Variants in SRSF10 observed in about 807,000 individuals in gnomAD.
SRSF10 encodes serine and arginine rich splicing factor 10.
A neutral mutation model predicts 32.6 loss-of-function variants in SRSF10; 9 were observed. The ratio of observed to expected loss-of-function variants is 0.28; its 90% CI spans 0.17 to 0.48. SRSF10 has a LOEUF of 0.48. Among genes scored for constraint, SRSF10 ranks in the 20% least tolerant of loss-of-function variants. The probability of loss-of-function intolerance (pLI) is 0.99; values close to 1 mark genes in which losing one functional copy is unlikely to be tolerated. For synonymous variants in SRSF10, 105 were observed against 112.4 expected (o/e 0.93, Z 0.42); for missense variants, 201 against 331.8 (o/e 0.61, Z 3.06).
Position 23,965,572 on chromosome 1 carries a change from T to C in SRSF10, c.*5570A>G, listed in dbSNP as rs1641411775. 6.6e-6 allele frequency: 1 copy of C among 152,016 alleles called. No homozygotes were observed. The allele number at this position is 152,016 out of a possible 1,614,324, so 9.4% of individuals were successfully genotyped here. On this transcript the variant is annotated 3_prime_UTR_variant, in exon 6 of 6. Coordinates refer to ENST00000492112, the MANE Select transcript of SRSF10 (RefSeq NM_054016.4). ...AATACCCATTTCCCAGGAGTGTTTT[T>C]AGGATTAAATAGAAATATTTGAAAA...
rs777760187 is a variant in SRSF10, at chr1:23,965,603, T to C, written c.*5539A>G. 47 of 152,048 alleles carry C rather than the reference T, an allele frequency of 3.1e-4. No homozygotes were observed. The highest frequency in any genetic ancestry group is 5.6e-4 in the Non-Finnish European group (38 of 67,834). 9.4% of individuals were successfully genotyped at this position (152,048 alleles called of 1,614,324 possible). On this transcript the variant is annotated 3_prime_UTR_variant, in exon 6 of 6. Coordinates refer to ENST00000492112, the MANE Select transcript of SRSF10 (RefSeq NM_054016.4). Reference sequence around the variant, plus strand: ...TAAATAGAAATATTTGAAAAGCACATGGTTCGGCACAGTAAGTGCTCAATA... The same window carrying C: ...TAAATAGAAATATTTGAAAAGCACACGGTTCGGCACAGTAAGTGCTCAATA...
Position 23,975,273 on chromosome 1 carries a change from G to T in SRSF10, c.171-196C>A, listed in dbSNP as rs374730114. 2.1e-5 allele frequency: 11 copies of T among 536,540 alleles called. No homozygotes were observed. In the East Asian group the frequency reaches 2.4e-4, roughly 12 times the overall value. 33.2% of individuals were successfully genotyped at this position (536,540 alleles called of 1,614,324 possible). ...TATAAAAGCACTTGTGATTTCCTAA[G>T]GCACACATTTGAAAATGTATGAATA... On this transcript the variant is annotated intron_variant, in intron 2 of 5. Transcript: ENST00000492112.
intron 2 of SRSF10, chr1:23,977,299 G>T (rs1265559766): frequency 6.6e-6 from 1 of 152,142 alleles, no homozygotes; most frequent in Admixed American, 6.5e-5. Context: ...TCACTGAAAG[G>T]AACGGAAGTA....
At position 23,971,843 on chromosome 1, in the gene SRSF10, CACTT is replaced by C; in HGVS notation, c.437+3_437+6del. 1 of 1,600,586 alleles carries C rather than the reference CACTT, an allele frequency of 6.2e-7. No individual in the cohort carries two copies. Among genetic ancestry groups the C allele is most frequent in the Non-Finnish European group, 8.5e-7 (1 of 1,176,242 alleles). On this transcript the variant is annotated splice_donor_5th_base_variant and intron_variant, in intron 4 of 5. Coordinates refer to ENST00000492112, the MANE Select transcript of SRSF10 (RefSeq NM_054016.4). ...AAACAGATCACTGTGCTACACAGCA[CACTT>C]ACTTTCTAGGACTATACGATCTTCT...
intron 1 of SRSF10, chr1:23,979,054 C>CTTTTTT (rs1220690496): frequency 1.8e-4 from 8 of 44,858 alleles, no homozygotes; most frequent in South Asian, 9.4e-4. Flanking sequence ...GTATATAAGC[C>CTTTTTT]TTGTTTTTTT....
Position 23,971,624 on chromosome 1 carries a change from C to G in SRSF10, c.440G>C (p.Ser147Thr). The G allele has an allele frequency of 6.2e-7, 1 of 1,610,558 alleles. No homozygotes were observed. Among genetic ancestry groups the G allele is most frequent in the Non-Finnish European group, 8.5e-7 (1 of 1,179,742 alleles). Residue 147 changes from serine (S) to threonine (T), a missense_variant and splice_region_variant, in exon 5 of 6, where the codon AGT becomes ACT. By Grantham distance (58) the Ser-to-Thr change is moderately conservative. Coordinates refer to ENST00000492112, the MANE Select transcript of SRSF10 (RefSeq NM_054016.4). ...NYRRSYSPRNSRPTGRPRRSR... is the reference protein window; with the variant it reads ...NYRRSYSPRNTRPTGRPRRSR... ...ACGCCGTGGTCTTCCAGTCGGTCTA[C>G]TGCTAAAAAGCATATCAGAAAAAGC...
rs1163533259 is a variant in SRSF10 at position 23,964,348 on chromosome 1, A to C, written c.*6794T>G. Among the ~76,000 whole-genome samples, 2 of 152,080 alleles carry C rather than the reference A, an allele frequency of 1.3e-5. No individual in the cohort carries two copies. The highest frequency in any genetic ancestry group is 3.9e-4 in the East Asian group (2 of 5,176). ...GATTACCTAACTTCATACTTTAGGA[A>C]AGGTACTGATAAAAGTTTTGGTTAG... On this transcript the variant is annotated 3_prime_UTR_variant, in exon 6 of 6. Transcript: ENST00000492112.
chr1:23,978,649 TTAC>T, intron 2 of SRSF10, 61 bp downstream of exon 2: 1 of 1,542,512 alleles, frequency 6.5e-7, no homozygotes, highest in East Asian at 2.3e-5. Flanking sequence ...ATGTTACCAC[TTAC>T]ATAAACTTGA....
chr1:23,968,212 G>A lies in SRSF10; in HGVS notation c.*2930C>T, dbSNP rs561400361. On this transcript the variant is annotated 3_prime_UTR_variant, in exon 6 of 6. Transcript: ENST00000492112. Reference sequence around the variant, plus strand: ...ACTGTAATATAGTCCTTTTGAAGCTGTTAGGTGTGTCGCTTTAGGAACAAC... The same window carrying A: ...ACTGTAATATAGTCCTTTTGAAGCTATTAGGTGTGTCGCTTTAGGAACAAC... Among the ~76,000 whole-genome samples the A allele has an allele frequency of 2.0e-5, 3 of 152,252 alleles. No individual in the cohort carries two copies. In the South Asian group the frequency reaches 6.2e-4, roughly 32 times the overall value.
rs1405422015 is a variant in SRSF10 at position 23,967,782 on chromosome 1, C to G, written c.*3360G>C. Reference sequence around the variant, plus strand: ...TTCCTTTATTCTTCTCTGTGGTATACAGGATTTTGTTAGTTGAACTGGATG... The same window carrying G: ...TTCCTTTATTCTTCTCTGTGGTATAGAGGATTTTGTTAGTTGAACTGGATG... On this transcript the variant is annotated 3_prime_UTR_variant, in exon 6 of 6. Coordinates refer to ENST00000492112, the MANE Select transcript of SRSF10 (RefSeq NM_054016.4). 1 of 1,599,988 alleles carries G rather than the reference C, an allele frequency of 6.3e-7. No homozygotes were observed. The highest frequency in any genetic ancestry group is 1.3e-5 in the African/African-American group (1 of 74,126).
chr1:23,970,650 C>T lies in SRSF10; in HGVS notation c.*492G>A, dbSNP rs1480429932. 2.5e-4 allele frequency: 247 copies of T among 985,882 alleles called. No homozygotes were observed. Among genetic ancestry groups the T allele is most frequent in the Non-Finnish European group, 2.8e-4 (233 of 830,404 alleles). 61.1% of individuals were successfully genotyped at this position (985,882 alleles called of 1,614,324 possible). On this transcript the variant is annotated 3_prime_UTR_variant, in exon 6 of 6. Transcript: ENST00000492112. Reference sequence around the variant, plus strand: ...CTGGGATTACAGGTGTGAGCCACCACGCCCAGCCGGGCCTAGACATCTTGA... The same window carrying T: ...CTGGGATTACAGGTGTGAGCCACCATGCCCAGCCGGGCCTAGACATCTTGA...
intron 3 of SRSF10, among the ~76,000 whole-genome samples, chr1:23,972,531 C>T (rs1176175201): frequency 6.6e-6 from 1 of 152,082 alleles, no homozygotes; most frequent in Non-Finnish European, 1.5e-5. Flanking sequence ...ACCTCCACCC[C>T]ACACCAGTTG....
At chr1:23,973,521 T>G (rs1391118790) in intron 3 of SRSF10, among the ~76,000 whole-genome samples, 1 of 151,982 alleles carries the variant, frequency 6.6e-6, no homozygotes, top group African/African-American at 2.4e-5. Context: ...GGGTCTCACT[T>G]TGTTGCCCAG....
chr1:23,970,782 T>C lies in SRSF10; in HGVS notation c.*360A>G. The C allele has an allele frequency of 9.7e-7, 1 of 1,032,152 alleles. No individual in the cohort carries two copies. The highest frequency in any genetic ancestry group is 1.2e-6 in the Non-Finnish European group (1 of 860,026). 63.9% of individuals were successfully genotyped at this position (1,032,152 alleles called of 1,614,324 possible). On this transcript the variant is annotated 3_prime_UTR_variant, in exon 6 of 6. Transcript: ENST00000492112. ...ATTCTATCTTATTAGCAAGCTACAT[T>C]TCTAGGTTAACAGTTCTACCAAATA...
At chr1:23,971,499 T>A in intron 5 of SRSF10, 60 bp from the exon 6 acceptor site, 2 of 1,588,108 alleles carry the variant, frequency 1.3e-6, no homozygotes, top group Non-Finnish European at 1.7e-6. Context: ...TTAATCAAAT[T>A]TGTTATTTTT....
intron 3 of SRSF10, among the ~76,000 whole-genome samples, chr1:23,973,221 C>A (rs1641881072): frequency 6.6e-6 from 1 of 152,200 alleles, no homozygotes; most frequent in African/African-American, 2.4e-5. Context: ...CTAATATCCC[C>A]AACTATTTTC....
At position 23,969,933 on chromosome 1, in the gene SRSF10, C is replaced by T; in HGVS notation, c.*1209G>A. On this transcript the variant is annotated 3_prime_UTR_variant, in exon 6 of 6. Coordinates refer to ENST00000492112, the MANE Select transcript of SRSF10 (RefSeq NM_054016.4). ...TGAGGTGTGAAAAGCAGGCCTCCCT[C>T]ATAAAGAGGCAGGCAAATTTTGATA... The T allele has an allele frequency of 2.0e-6, 2 of 985,346 alleles. No homozygotes were observed. The highest frequency in any genetic ancestry group is 2.4e-6 in the Non-Finnish European group (2 of 829,928). 61.0% of individuals were successfully genotyped at this position (985,346 alleles called of 1,614,324 possible). A position where few individuals can be genotyped will look rare whatever the true frequency, so the allele number is the denominator to read the frequency against.
chr1:23,975,140 G>A (rs1642007118), intron 2 of SRSF10, 63 bp from the exon 3 acceptor site: 2 of 1,258,996 alleles, frequency 1.6e-6, no homozygotes, highest in Admixed American at 1.7e-5. Context: ...AAGTTCAGTT[G>A]GTATGTCTGG....
At chr1:23,972,200 G>C (rs1641799617) in intron 3 of SRSF10, among the ~76,000 whole-genome samples, 188 bp from the exon 4 acceptor site, 1 of 152,102 alleles carries the variant, frequency 6.6e-6, no homozygotes, top group Non-Finnish European at 1.5e-5. Context: ...CTTGAGCCCA[G>C]GAGTTTGAGA....
Sources: allele counts gnomAD v4.1 joint callset (sites outside exome capture counted in the v4.1 genomes callset), GRCh38; gene constraint gnomAD v4.1.1; transcripts MANE v1.5; gene names NCBI Gene and HGNC (gene_info 2026-07-23, HGNC 2026-07-21).